Variants in CUX1 observed in about 807,000 individuals in gnomAD.
The protein encoded by CUX1 is protein CASP.
CUX1 carries 31 observed loss-of-function variants against 158.8 expected under a neutral mutation model. That is an observed-to-expected ratio of 0.20 (90% CI 0.15 to 0.26). CUX1 has a LOEUF of 0.26. Among genes scored for constraint, CUX1 ranks in the 10% least tolerant of loss-of-function variants. CUX1 has a pLI of 1.00. For synonymous variants in CUX1, 879 were observed against 862.1 expected (o/e 1.02, Z -0.34); for missense variants, 1,589 against 2,014.6 (o/e 0.79, Z 4.04).
chr7:102,137,219 A>C (rs1159228075), intron 8 of CUX1, among the ~76,000 whole-genome samples: 1 of 152,208 alleles, frequency 6.6e-6, no homozygotes, highest in Non-Finnish European at 1.5e-5. Flanking sequence ...TCCCCTCTGT[A>C]AATTGAACTG....
intron 2 of CUX1, among the ~76,000 whole-genome samples, chr7:101,980,906 T>C (rs2129214520): frequency 6.6e-6 from 1 of 152,340 alleles, no homozygotes; most frequent in South Asian, 2.1e-4. Flanking sequence ...TTGAGTTCAA[T>C]GTCCTGGGAA....
chr7:102,178,675 C>A lies in CUX1; in HGVS notation c.1017+18C>A. 1 of 1,593,334 alleles carries A rather than the reference C, an allele frequency of 6.3e-7. No homozygotes were observed. The highest frequency in any genetic ancestry group is 8.6e-7 in the Non-Finnish European group (1 of 1,168,768). Reference sequence around the variant, plus strand: ...CACTCAAAGTAAGGGGGCTGCGGGGCCCGGGGGTGGCCCGAGGAGGCAGGG... The same window carrying A: ...CACTCAAAGTAAGGGGGCTGCGGGGACCGGGGGTGGCCCGAGGAGGCAGGG... On this transcript the variant is annotated intron_variant, in intron 11 of 23. Coordinates refer to ENST00000292535, the MANE Select transcript of CUX1 (RefSeq NM_181552.4).
chr7:102,055,107 T>A (rs1823985497), intron 3 of CUX1, among the ~76,000 whole-genome samples: 1 of 152,238 alleles, frequency 6.6e-6, no homozygotes, highest in Non-Finnish European at 1.5e-5. Flanking sequence ...TAGTTTAGTG[T>A]CTTTCAGCAG....
At chr7:102,142,416 C>A (rs1320345030) in intron 8 of CUX1, among the ~76,000 whole-genome samples, 1 of 152,124 alleles carries the variant, frequency 6.6e-6, no homozygotes, top group Non-Finnish European at 1.5e-5. Flanking sequence ...CTGTTAAAAA[C>A]AATGGGTATA....
At chr7:102,043,323 CTGTGTG>C (rs57276921) in intron 3 of CUX1, among the ~76,000 whole-genome samples, 4,795 of 139,092 alleles carry the variant, frequency 0.034, 109 homozygotes, top group Admixed American at 0.041. Flanking sequence ...CATTAGCTCA[CTGTGTG>C]TGTGTGTGTG....
intron 8 of CUX1, 82 bp from the exon 9 acceptor site, chr7:102,158,478 T>A: frequency 6.9e-7 from 1 of 1,446,216 alleles, no homozygotes; most frequent in East Asian, 2.3e-5. Flanking sequence ...TCCCGAGCCC[T>A]GAGCTAGGAA....
At chr7:102,045,745 A>G (rs548851030) in intron 3 of CUX1, among the ~76,000 whole-genome samples, 54 of 152,394 alleles carry the variant, frequency 3.5e-4, no homozygotes, top group African/African-American at 1.3e-3. Context: ...GAGCAAATCT[A>G]ATATTTTCAG....
intron 2 of CUX1, among the ~76,000 whole-genome samples, chr7:101,932,903 A>G (rs537884629): frequency 4.6e-5 from 7 of 152,246 alleles, no homozygotes; most frequent in Non-Finnish European, 8.8e-5. Flanking sequence ...TTGCCACTCT[A>G]AGGAGAGGTG....
At chr7:101,969,707 A>G (rs1396888631) in intron 2 of CUX1, among the ~76,000 whole-genome samples, 1 of 152,218 alleles carries the variant, frequency 6.6e-6, no homozygotes, top group Non-Finnish European at 1.5e-5. Context: ...CAGATCAAAG[A>G]AACCCAAACT....
chr7:101,974,012 C>G (rs930981727), intron 2 of CUX1, among the ~76,000 whole-genome samples: 3 of 151,742 alleles, frequency 2.0e-5, no homozygotes, highest in Admixed American at 1.3e-4. Flanking sequence ...TCGTGATCCA[C>G]TCGCCTCAGC....
chr7:102,259,017 T>G (rs1015191143), downstream of CUX1, among the ~76,000 whole-genome samples: 2 of 152,148 alleles, frequency 1.3e-5, no homozygotes, highest in Admixed American at 6.5e-5. Context: ...CAGGCCGACG[T>G]GTGTCTGGTG....
At chr7:101,849,497 A>G (rs1012498887) in intron 1 of CUX1, among the ~76,000 whole-genome samples, 7 of 152,160 alleles carry the variant, frequency 4.6e-5, no homozygotes, top group African/African-American at 1.7e-4. Flanking sequence ...ATGTCCCTGC[A>G]AAGGACGTGA....
chr7:102,279,434 G>A (rs188289171), intron 18 of CUX1, among the ~76,000 whole-genome samples: 7 of 152,328 alleles, frequency 4.6e-5, no homozygotes, highest in South Asian at 4.1e-4. Flanking sequence ...CTCACTTGCC[G>A]AGTTTTTCTG....
At position 101,848,552 on chromosome 7, in the gene CUX1, A is replaced by G. The variant is rs560426653; in HGVS notation, c.30+30883A>G. Among the ~76,000 whole-genome samples the G allele has an allele frequency of 4.6e-5, 7 of 152,070 alleles. No individual in the cohort carries two copies. In the South Asian group the frequency reaches 1.2e-3, roughly 27 times the overall value. ...ATGTTGAGGGGACTAGGAATGTTTG[A>G]ATTTTCTCCCCCTTGTATTTTCCCA... On this transcript the variant is annotated intron_variant, in intron 1 of 23. Transcript: ENST00000292535.
At chr7:102,136,596 G>A (rs543497795) in intron 8 of CUX1, among the ~76,000 whole-genome samples, 1 of 152,218 alleles carries the variant, frequency 6.6e-6, no homozygotes, top group East Asian at 1.9e-4. Flanking sequence ...TCACCATGTT[G>A]GTCAGGCTGG....
chr7:102,173,246 G>A (rs1791931652), intron 10 of CUX1, among the ~76,000 whole-genome samples: 2 of 152,152 alleles, frequency 1.3e-5, no homozygotes, highest in African/African-American at 2.4e-5. Flanking sequence ...TATAATCCCA[G>A]CTACTCAGGA....
rs144899642 is a variant in CUX1 at position 102,229,127 on chromosome 7, G to A, written c.3433+1458G>A. 2.9e-3 allele frequency among the ~76,000 whole-genome samples: 447 copies of A among 152,260 alleles called. 2 individuals carry two copies. The highest frequency in any genetic ancestry group is 0.01 in the African/African-American group (420 of 41,552). ...TCTCCATTTCACAGCCCACAGCTGGGGCGGGCAGCCCCTGGGGAACTCACT... is the reference window on the plus strand; with the variant it reads ...TCTCCATTTCACAGCCCACAGCTGGAGCGGGCAGCCCCTGGGGAACTCACT... On this transcript the variant is annotated intron_variant, in intron 21 of 23. Transcript: ENST00000292535.
At chr7:102,086,161 T>C (rs1202716460) in intron 4 of CUX1, among the ~76,000 whole-genome samples, 2 of 152,138 alleles carry the variant, frequency 1.3e-5, no homozygotes, top group African/African-American at 4.8e-5. Flanking sequence ...CCCCGGGCTT[T>C]TTTCCTTGAT....
At chr7:102,279,905 C>A in intron 18 of CUX1, 1 of 661,840 alleles carries the variant, frequency 1.5e-6, no homozygotes, top group South Asian at 1.7e-5. Context: ...CTCCTCCCGC[C>A]TCTGAGATCT....
Sources: gnomAD v4.1 joint callset for allele counts (sites outside exome capture counted in the v4.1 genomes callset) on GRCh38, gnomAD v4.1.1 for gene constraint, MANE v1.5 for transcripts, NCBI Gene and HGNC (gene_info 2026-07-23, HGNC 2026-07-21) for gene names.